The following SLC13A2 variants were observed in gnomAD, a reference collection of about 807,000 sequenced individuals.
SLC13A2 encodes Na(+)-coupled citrate transporter.
In SLC13A2, 40 loss-of-function variants were observed where a neutral mutation model predicts 58.5. That is an observed-to-expected ratio of 0.68 (90% confidence interval 0.53 to 0.89). The LOEUF (loss-of-function observed/expected upper bound fraction) is 0.89, where lower values mean the gene tolerates loss of function less well. Ranked by LOEUF, SLC13A2 falls within the 40% of genes least tolerant of loss-of-function variation. The pLI, the probability that SLC13A2 is intolerant of heterozygous loss-of-function variation, is 0.00. For missense variants in SLC13A2, 694 were observed against 772.6 expected (o/e 0.90, Z 1.21); for synonymous variants, 341 against 331.6 (o/e 1.03, Z -0.31).
intron 1 of SLC13A2, among the ~76,000 whole-genome samples, chr17:28,475,003 A>G (rs2068646760): frequency 6.6e-6 from 1 of 152,220 alleles, no homozygotes; most frequent in Non-Finnish European, 1.5e-5. Flanking sequence ...GGTCAGTAAC[A>G]AGGCCCAGCT....
intron 1 of SLC13A2, among the ~76,000 whole-genome samples, chr17:28,484,048 G>A (rs1171771619): frequency 6.6e-6 from 1 of 152,144 alleles, no homozygotes; most frequent in Admixed American, 6.6e-5. Context: ...TACCCCTAGG[G>A]CCCACGTTCA....
intron 1 of SLC13A2, among the ~76,000 whole-genome samples, chr17:28,480,991 G>A (rs1031868722): frequency 5.9e-5 from 9 of 152,272 alleles, no homozygotes; most frequent in African/African-American, 2.2e-4. Context: ...AGGCCAGGGG[G>A]ATCCCTGGCG....
intron 2 of SLC13A2, among the ~76,000 whole-genome samples, chr17:28,490,000 G>A (rs945896408): frequency 6.6e-6 from 1 of 152,252 alleles, no homozygotes; most frequent in Admixed American, 6.5e-5. Flanking sequence ...CAGGCCGGGT[G>A]TGGTGGCTCA....
Position 28,494,114 on chromosome 17 carries a change from C to G in SLC13A2, c.1186+9C>G. 1.2e-6 allele frequency: 2 copies of G among 1,612,766 alleles called. No homozygotes were observed. The highest frequency in any genetic ancestry group is 1.7e-6 in the Non-Finnish European group (2 of 1,178,736). On this transcript the variant is annotated intron_variant, in intron 8 of 11. Coordinates refer to ENST00000314669, the MANE Select transcript of SLC13A2 (RefSeq NM_003984.4). This position sits in a 1 kb window ranked among gnomAD's most constrained non-coding sequence, Gnocchi z 4.0. ...GCTGACCCAGGACCCAGGTAAGCAC[C>G]TGGACTGGGGCAGGGAAGGGTCTCC...
At position 28,497,088 on chromosome 17, in the gene SLC13A2, C is replaced by G. The variant is rs782410577; in HGVS notation, c.1609-11C>G. The G allele has an allele frequency of 1.9e-6, 3 of 1,612,778 alleles. No individual in the cohort carries two copies. The highest frequency in any genetic ancestry group is 2.7e-5 in the African/African-American group (2 of 74,906). On this transcript the variant is annotated splice_polypyrimidine_tract_variant and intron_variant, in intron 11 of 11. Transcript: ENST00000314669. ...GTCCCTGCTTAGCCAAATGGACTCT[C>G]CTCACACCAGGCCCGGGCAGGATTC...
rs558639790 is a variant in SLC13A2 at position 28,485,135 on chromosome 17, G to C, written c.103-4079G>C. 4.5e-4 allele frequency among the ~76,000 whole-genome samples: 69 copies of C among 152,336 alleles called. No individual in the cohort carries two copies. The Middle Eastern group carries it at 0.01, about 23-fold the overall frequency. On this transcript the variant is annotated intron_variant, in intron 1 of 11. Coordinates refer to ENST00000314669, the MANE Select transcript of SLC13A2 (RefSeq NM_003984.4). ...GGGGAACAACCACCCTGCTGGCCTGGGGAAGGAGGAGGCAGGGCCAGAGGT... is the reference window on the plus strand; with the variant it reads ...GGGGAACAACCACCCTGCTGGCCTGCGGAAGGAGGAGGCAGGGCCAGAGGT...
chr17:28,484,596 G>A (rs1278833575), intron 1 of SLC13A2, among the ~76,000 whole-genome samples: 2 of 152,164 alleles, frequency 1.3e-5, no homozygotes, highest in African/African-American at 2.4e-5. Context: ...TGCTGGGGGA[G>A]GGGAGGTGCA....
At chr17:28,485,469 G>T (rs1324831517) in intron 1 of SLC13A2, among the ~76,000 whole-genome samples, 8 of 152,188 alleles carry the variant, frequency 5.3e-5, no homozygotes, top group Non-Finnish European at 1.5e-5. Flanking sequence ...CACTTCTAGA[G>T]CTGGGAATAC....
Position 28,494,069 on chromosome 17 carries a change from A to C in SLC13A2, c.1150A>C (p.Ile384Leu). 6.2e-7 allele frequency: 1 copy of C among 1,613,982 alleles called. No individual in the cohort carries two copies. The highest frequency in any genetic ancestry group is 8.5e-7 in the Non-Finnish European group (1 of 1,179,986). ...AIFIGIIMFI[I>L]PSKFPGLTQD... ...CTTCATCGGCATAATTATGTTCATC[A>C]TACCCTCCAAGTTCCCAGGGCTGAC... Residue 384 changes from isoleucine (I) to leucine (L), a missense_variant, in exon 8 of 12, where the codon ATA becomes CTA. Physicochemically the swap from Ile to Leu is conservative, Grantham distance 5. Coordinates refer to ENST00000314669, the MANE Select transcript of SLC13A2 (RefSeq NM_003984.4). This position sits in a 1 kb window ranked among gnomAD's most constrained non-coding sequence, Gnocchi z 4.0.
At chr17:28,490,335 T>A (rs782448932) in intron 2 of SLC13A2, 119 bp from the exon 3 acceptor site, 2 of 1,608,522 alleles carry the variant, frequency 1.2e-6, no homozygotes, top group Non-Finnish European at 1.7e-6. Context: ...CCATCCAGTT[T>A]CGAGAGCCCA....
In SLC13A2 at chr17:28,495,765, C is replaced by T; in HGVS notation, c.1419C>T (p.Cys473=). 6.2e-7 allele frequency: 1 copy of T among 1,613,466 alleles called. No individual in the cohort carries two copies. The highest frequency in any genetic ancestry group is 1.1e-5 in the South Asian group (1 of 91,066). The change falls in exon 10 of 12, where the codon TGC becomes TGT. Residue 473 remains cysteine (C), a synonymous_variant. Transcript: ENST00000314669. Reference sequence around the variant, plus strand: ...TCCTGGTGGCCACCTTCACCGAGTGCACTAGCAACGTGGCCACCACTACGA... The same window carrying T: ...TCCTGGTGGCCACCTTCACCGAGTGTACTAGCAACGTGGCCACCACTACGA... ...LSLLVATFTE[C]TSNVATTTIF... is the part of the protein sequence containing the mutation.
Position 28,491,802 on chromosome 17 carries a change from C to G in SLC13A2, c.828C>G (p.Ile276Met), listed in dbSNP as rs2069032031. Residue 276 changes from isoleucine (I) to methionine (M), a missense_variant, in exon 6 of 12, where the codon ATC becomes ATG. Physicochemically the swap from Ile to Met is conservative, Grantham distance 10. Transcript: ENST00000314669. ...GCTTCGCCTTCCCCACCATGGTCAT[C>G]TTGCTGCTGCTGGCCTGGTTGTGGC... ...WFSFAFPTMVILLLLAWLWLQ... is the reference protein window; with the variant it reads ...WFSFAFPTMVMLLLLAWLWLQ... 1 of 1,614,126 alleles carries G rather than the reference C, an allele frequency of 6.2e-7. No individual in the cohort carries two copies. Among genetic ancestry groups the G allele is most frequent in the African/African-American group, 1.3e-5 (1 of 74,948 alleles).
Position 28,497,155 on chromosome 17 carries a change from C to G in SLC13A2, c.1665C>G (p.Ile555Met). 2 of 1,614,154 alleles carry G rather than the reference C, an allele frequency of 1.2e-6. No homozygotes were observed. Among genetic ancestry groups the G allele is most frequent in the Non-Finnish European group, 1.7e-6 (2 of 1,180,022 alleles). ...IIGVLIIALA[I>M]NSWGIPLFSL... ...GAGTCCTGATCATCGCACTGGCCAT[C>G]AACAGCTGGGGCATCCCCCTCTTCA... Residue 555 changes from isoleucine to methionine, a missense_variant, in exon 12 of 12, where the codon ATC (isoleucine) becomes ATG (methionine). Transcript: ENST00000314669.
At chr17:28,477,536 A>T (rs572842136) in intron 1 of SLC13A2, among the ~76,000 whole-genome samples, 11 of 152,188 alleles carry the variant, frequency 7.2e-5, no homozygotes, top group Admixed American at 2.0e-4. Context: ...ATGTGCACAC[A>T]GTGGATCCTG....
intron 11 of SLC13A2, 82 bp from the exon 12 acceptor site, chr17:28,497,017 C>A: frequency 6.8e-7 from 1 of 1,464,204 alleles, no homozygotes; most frequent in South Asian, 1.3e-5. Context: ...TAGGAGGGCT[C>A]CTGTGCACCC....
In SLC13A2 at chr17:28,473,674, T is replaced by C. The variant is rs781983872; in HGVS notation, c.-39T>C. On this transcript the variant is annotated 5_prime_UTR_variant, in exon 1 of 12. Transcript: ENST00000314669. The stretch of plus-strand genomic sequence containing the variant: ...TTTGGTCCTTCTGTTACCCAGCTCC[T>C]GGAGGCAGTGGCTGTAGCAGCCCTT... 6.6e-7 allele frequency: 1 copy of C among 1,523,748 alleles called. No homozygotes were observed. The highest frequency in any genetic ancestry group is 1.7e-5 in the Admixed American group (1 of 59,110). The allele number at this position is 1,523,748 out of a possible 1,614,324, so 94.4% of individuals were successfully genotyped here.
At chr17:28,477,053 G>A (rs1050430350) in intron 1 of SLC13A2, among the ~76,000 whole-genome samples, 19 of 151,812 alleles carry the variant, frequency 1.3e-4, no homozygotes, top group East Asian at 5.9e-4. Context: ...CCAGCTACTC[G>A]GGAGGCTGAA....
At position 28,490,749 on chromosome 17, in the gene SLC13A2, C is replaced by G; in HGVS notation, c.417C>G (p.Ile139Met). 6.2e-7 allele frequency: 1 copy of G among 1,614,174 alleles called. No homozygotes were observed. Among genetic ancestry groups the G allele is most frequent in the Non-Finnish European group, 8.5e-7 (1 of 1,180,036 alleles). ...MLVTAFLSMW[I>M]SNTATSAMMV... is the part of the protein sequence containing the mutation. ...TCACGGCCTTCCTGTCCATGTGGAT[C>G]AGCAACACGGCCACCTCAGCCATGA... Residue 139 changes from isoleucine (I) to methionine (M), a missense_variant, in exon 4 of 12, where the codon ATC (isoleucine) becomes ATG (methionine). By Grantham distance (10) the Ile-to-Met change is conservative. Transcript: ENST00000314669.
chr17:28,475,905 T>C (rs2068662593), intron 1 of SLC13A2, among the ~76,000 whole-genome samples: 1 of 152,160 alleles, frequency 6.6e-6, no homozygotes, highest in African/African-American at 2.4e-5. Flanking sequence ...AGCATCTCTA[T>C]GCCAATGAGT....
Sources: allele counts gnomAD v4.1 joint callset (sites outside exome capture counted in the v4.1 genomes callset), GRCh38; gene constraint gnomAD v4.1.1; non-coding constraint Gnocchi (gnomAD v3.1); transcripts MANE v1.5; gene names NCBI Gene and HGNC (gene_info 2026-07-23, HGNC 2026-07-21).